DYRK1A: variants seen among roughly 807,000 people sequenced by gnomAD.
DYRK1A encodes dual specificity tyrosine phosphorylation regulated kinase 1A.
In DYRK1A, 9 loss-of-function variants were observed where a neutral mutation model predicts 79.7. The ratio of observed to expected loss-of-function variants is 0.11; its 90% confidence interval spans 0.07 to 0.20. The LOEUF (loss-of-function observed/expected upper bound fraction) is 0.20. DYRK1A is among the 10% of genes least tolerant of loss of function. The pLI, the probability that DYRK1A is intolerant of heterozygous loss-of-function variation, is 1.00. For missense variants in DYRK1A, 622 were observed against 956.0 expected (o/e 0.65, Z 4.61); for synonymous variants, 349 against 329.7 (o/e 1.06, Z -0.63).
At chr21:37,414,336 A>G (rs947616812) in intron 1 of DYRK1A, among the ~76,000 whole-genome samples, 1 of 152,088 alleles carries the variant, frequency 6.6e-6, no homozygotes, top group Admixed American at 6.6e-5. Flanking sequence ...TTGGATTTGA[A>G]TATCTCTCTA....
intron 1 of DYRK1A, among the ~76,000 whole-genome samples, chr21:37,403,776 C>T (rs1242308625): frequency 6.7e-6 from 1 of 150,344 alleles, no homozygotes; most frequent in Non-Finnish European, 1.5e-5. Flanking sequence ...GCATGCTTCC[C>T]TTGGAACTTT....
chr21:37,490,619 AATAG>A (rs1173602801), intron 7 of DYRK1A, among the ~76,000 whole-genome samples, 158 bp downstream of exon 7: 2 of 149,826 alleles, frequency 1.3e-5, no homozygotes, highest in Non-Finnish European at 3.0e-5. Flanking sequence ...GCGCCAACCT[AATAG>A]ATATTTGAAA....
At chr21:37,445,808 G>A (rs1410371340) in intron 2 of DYRK1A, among the ~76,000 whole-genome samples, 6 of 152,064 alleles carry the variant, frequency 3.9e-5, no homozygotes, top group African/African-American at 1.2e-4. Context: ...AGAAAAAGTT[G>A]GGAATTTTAG....
intron 2 of DYRK1A, among the ~76,000 whole-genome samples, chr21:37,470,665 C>T (rs2052191512): frequency 6.6e-6 from 1 of 152,000 alleles, no homozygotes; most frequent in African/African-American, 2.4e-5. Context: ...TCCTTCCTAC[C>T]TTTTTCTTTT....
chr21:37,426,803 C>T (rs1416554466), intron 2 of DYRK1A, among the ~76,000 whole-genome samples: 1 of 149,422 alleles, frequency 6.7e-6, no homozygotes, highest in Non-Finnish European at 1.5e-5. Context: ...ACCTTTAGTC[C>T]CAGCTACTTG....
chr21:37,417,529 C>CTTTTTCTTTT (rs1555959239), intron 1 of DYRK1A, among the ~76,000 whole-genome samples: 33 of 44,044 alleles, frequency 7.5e-4, no homozygotes, highest in Non-Finnish European at 7.8e-4. Flanking sequence ...TTTTCTTTTT[C>CTTTTTCTTTT]TTTTTTTTTT....
chr21:37,406,389 C>T (rs541570111), intron 1 of DYRK1A, among the ~76,000 whole-genome samples: 3 of 152,240 alleles, frequency 2.0e-5, no homozygotes, highest in African/African-American at 7.2e-5. Flanking sequence ...ACCCTCACCA[C>T]CTTCTTGAAA....
chr21:37,517,008 T>C lies in DYRK1A; in HGVS notation c.*4477T>C, dbSNP rs1399254580. 1.3e-5 allele frequency: 2 copies of C among 152,196 alleles called. No individual in the cohort carries two copies. The highest frequency in any genetic ancestry group is 2.4e-5 in the African/African-American group (1 of 41,438). The allele number at this position is 152,196 out of a possible 1,614,324, so 9.4% of individuals were successfully genotyped here. A position where few individuals can be genotyped will look rare whatever the true frequency, so the allele number is the denominator to read the frequency against. On this transcript the variant is annotated 3_prime_UTR_variant, in exon 12 of 12. Transcript: ENST00000647188. ...TCCCTGTTATCAGGTGTGGAATTAA[T>C]GTGGGTAAATTTCCATTTCAGTTGA...
chr21:37,463,580 T>C (rs1183889325), intron 2 of DYRK1A, among the ~76,000 whole-genome samples: 3 of 152,234 alleles, frequency 2.0e-5, no homozygotes, highest in Admixed American at 2.0e-4. Context: ...CAATGATTTC[T>C]TCACAGTCTA....
chr21:37,417,529 C>CTTTTTCTTTTTCTTTTTTTTTT (rs1555959239), intron 1 of DYRK1A, among the ~76,000 whole-genome samples: 1 of 44,070 alleles, frequency 2.3e-5, no homozygotes, highest in Non-Finnish European at 3.9e-5. Context: ...TTTTCTTTTT[C>CTTTTTCTTTTTCTTTTTTTTTT]TTTTTTTTTT....
At chr21:37,488,724 A>G in intron 6 of DYRK1A, 1 of 985,414 alleles carries the variant, frequency 1.0e-6, no homozygotes, top group Non-Finnish European at 1.2e-6. Context: ...CTTTCATTGG[A>G]CGAACATTGT....
chr21:37,439,514 A>G (rs1328261817), intron 2 of DYRK1A, among the ~76,000 whole-genome samples: 3 of 152,196 alleles, frequency 2.0e-5, no homozygotes, highest in Admixed American at 6.5e-5. Flanking sequence ...GCACAGCAGG[A>G]GGTGCCGAGC....
rs765130498 is a variant in DYRK1A at position 37,401,364 on chromosome 21, A to T, written c.-76-18935A>T. Among the ~76,000 whole-genome samples the T allele has an allele frequency of 9.9e-5, 15 of 151,988 alleles. No individual in the cohort carries two copies. In the South Asian group the frequency reaches 2.1e-3, roughly 21 times the overall value. On this transcript the variant is annotated intron_variant, in intron 1 of 11. Transcript: ENST00000647188. ...CATAAACGTGTGTATTAATTTTAAT[A>T]TTTGATTTTTTTTCTTGAACCTGCC... is the stretch of plus-strand genomic sequence containing the variant.
rs1371163001 is a variant in DYRK1A, at chr21:37,476,230, A to G, written c.208-1978A>G. Among the ~76,000 whole-genome samples the G allele has an allele frequency of 3.9e-5, 6 of 152,072 alleles. No homozygotes were observed. The East Asian group carries it at 1.2e-3, about 29-fold the overall frequency. On this transcript the variant is annotated intron_variant, in intron 3 of 11. Coordinates refer to ENST00000647188, the MANE Select transcript of DYRK1A (RefSeq NM_001347721.2). ...CCTTGGTCAAGTTCTTTAACGTTGG[A>G]GACTCTGGTTTCGCGTGTGTAAAAT...
chr21:37,415,866 C>G (rs2050328343), intron 1 of DYRK1A, among the ~76,000 whole-genome samples: 1 of 152,058 alleles, frequency 6.6e-6, no homozygotes, highest in Non-Finnish European at 1.5e-5. Context: ...GTATTCTGTT[C>G]TAAATTAAAT....
intron 5 of DYRK1A, among the ~76,000 whole-genome samples, chr21:37,482,111 A>C (rs776718089): frequency 1.2e-4 from 18 of 152,210 alleles, no homozygotes; most frequent in African/African-American, 4.1e-4. Flanking sequence ...TTCTTAAACT[A>C]TGGAACCTGC....
chr21:37,493,563 G>C (rs763732498), intron 8 of DYRK1A, among the ~76,000 whole-genome samples: 1 of 152,194 alleles, frequency 6.6e-6, no homozygotes. Context: ...TGGATACTCA[G>C]TCTGAATAAT....
intron 1 of DYRK1A, among the ~76,000 whole-genome samples, chr21:37,405,922 T>C (rs2050138586): frequency 6.6e-6 from 1 of 152,244 alleles, no homozygotes; most frequent in Admixed American, 6.5e-5. Context: ...TGTTCAGTTA[T>C]GTAAACTTGT....
chr21:37,402,024 A>G (rs2050063154), intron 1 of DYRK1A, among the ~76,000 whole-genome samples: 1 of 152,204 alleles, frequency 6.6e-6, no homozygotes, highest in Non-Finnish European at 1.5e-5. Flanking sequence ...TGTAGTAGCC[A>G]TAAAGAGCAT....
Sources: gnomAD v4.1 joint callset for allele counts (sites outside exome capture counted in the v4.1 genomes callset) on GRCh38, gnomAD v4.1.1 for gene constraint, MANE v1.5 for transcripts, NCBI Gene and HGNC (gene_info 2026-07-23, HGNC 2026-07-21) for gene names.